FRMD3: variants seen among roughly 807,000 people sequenced by gnomAD.
FRMD3 encodes FERM domain containing 3.
A neutral mutation model predicts 70.2 loss-of-function variants in FRMD3; 33 were observed. The ratio of observed to expected loss-of-function variants is 0.47; its 90% CI spans 0.36 to 0.63. FRMD3 has a LOEUF of 0.63. FRMD3 is among the 20% of genes least tolerant of loss of function. FRMD3 has a pLI of 0.00. For synonymous variants in FRMD3, 279 were observed against 255.9 expected (o/e 1.09, Z -0.86); for missense variants, 632 against 711.4 (o/e 0.89, Z 1.27).
intron 10 of FRMD3, among the ~76,000 whole-genome samples, chr9:83,307,223 C>T (rs986307571): frequency 6.6e-6 from 1 of 152,124 alleles, no homozygotes; most frequent in Non-Finnish European, 1.5e-5. Flanking sequence ...CAAGAAAGAA[C>T]AGAAGAGTTC....
At chr9:83,256,013 C>A (rs13283621) in intron 13 of FRMD3, among the ~76,000 whole-genome samples, 47,427 of 151,830 alleles carry the variant, frequency 0.31, 8,371 homozygotes, top group Middle Eastern at 0.46. Context: ...CAGAATTAAA[C>A]AAAAATATTT....
chr9:83,441,347 C>T (rs189797297), intron 1 of FRMD3, among the ~76,000 whole-genome samples: 1 of 152,216 alleles, frequency 6.6e-6, no homozygotes, highest in East Asian at 1.9e-4. Flanking sequence ...AGGTTGATCC[C>T]AAGGCAATTC....
At chr9:83,267,395 T>C in intron 13 of FRMD3, 1 of 1,027,638 alleles carries the variant, frequency 9.7e-7, no homozygotes, top group Non-Finnish European at 1.3e-6. Flanking sequence ...TACTCTAGCC[T>C]TTCTAAACCT....
chr9:83,453,464 C>T (rs1029654498), intron 1 of FRMD3, among the ~76,000 whole-genome samples: 3 of 151,882 alleles, frequency 2.0e-5, no homozygotes, highest in Non-Finnish European at 4.4e-5. Flanking sequence ...AGTTTGGATA[C>T]GGGATATGTT....
chr9:83,537,049 G>A lies in FRMD3; in HGVS notation c.147+1036C>T, dbSNP rs1396834962. 2.0e-5 allele frequency among the ~76,000 whole-genome samples: 3 copies of A among 150,882 alleles called. No homozygotes were observed. Among genetic ancestry groups the A allele is most frequent in the Non-Finnish European group, 4.4e-5 (3 of 67,844 alleles). ...TAGATTTAGAAGTCAGAAGTTAATTGTGCTGAGCCCTGACACAACCTTTCC... is the reference window on the plus strand; with the variant it reads ...TAGATTTAGAAGTCAGAAGTTAATTATGCTGAGCCCTGACACAACCTTTCC... On this transcript the variant is annotated intron_variant, in intron 1 of 13. Coordinates refer to ENST00000304195, the MANE Select transcript of FRMD3 (RefSeq NM_174938.6). This position sits in a 1 kb window ranked among gnomAD's most constrained non-coding sequence, Gnocchi z 4.1.
chr9:83,508,853 T>G, intron 1 of FRMD3, among the ~76,000 whole-genome samples: 1 of 152,302 alleles, frequency 6.6e-6, no homozygotes, highest in Middle Eastern at 3.4e-3. Flanking sequence ...CCACATGACT[T>G]GTTGAGTAGC....
chr9:83,573,777 C>T, the FRMD3 span, among the ~76,000 whole-genome samples: 2 of 151,772 alleles, frequency 1.3e-5, no homozygotes, highest in East Asian at 1.9e-4. Context: ...CTCCCCCTGA[C>T]CCCCCACCTT....
intron 13 of FRMD3, among the ~76,000 whole-genome samples, chr9:83,256,807 C>T (rs1832729345): frequency 6.6e-6 from 1 of 152,038 alleles, no homozygotes; most frequent in Non-Finnish European, 1.5e-5. Flanking sequence ...ATCAAAACCA[C>T]AATGAGATAT....
intron 1 of FRMD3, among the ~76,000 whole-genome samples, chr9:83,536,984 G>C (rs1829909128): frequency 6.8e-6 from 1 of 146,600 alleles, no homozygotes; most frequent in Admixed American, 7.0e-5. Flanking sequence ...GACTCGACTA[G>C]GGTAGGTGAG....
At chr9:83,386,523 A>T (rs1173894709) in intron 2 of FRMD3, among the ~76,000 whole-genome samples, 1 of 152,220 alleles carries the variant, frequency 6.6e-6, no homozygotes, top group African/African-American at 2.4e-5. Flanking sequence ...TTAGTTTAAA[A>T]TTTTAATAAT....
At chr9:83,283,556 AATAATAAT>A (rs1212675774) in intron 13 of FRMD3, among the ~76,000 whole-genome samples, 2 of 89,516 alleles carry the variant, frequency 2.2e-5, no homozygotes, top group Non-Finnish European at 4.8e-5. Context: ...AAATAATAAT[AATAATAAT>A]AATAATAATA....
chr9:83,543,821 T>A, the FRMD3 span, among the ~76,000 whole-genome samples: 1 of 152,224 alleles, frequency 6.6e-6, no homozygotes, highest in East Asian at 1.9e-4. Context: ...ACATGGGCAC[T>A]GTGCTTGGCT....
At chr9:83,464,483 CCT>C (rs1828064208) in intron 1 of FRMD3, among the ~76,000 whole-genome samples, 1 of 152,170 alleles carries the variant, frequency 6.6e-6, no homozygotes, top group Non-Finnish European at 1.5e-5. Context: ...AACAGCAAAT[CCT>C]CTCACTCTCC....
At chr9:83,420,937 CT>C (rs897070718) in intron 1 of FRMD3, among the ~76,000 whole-genome samples, 12,270 of 107,478 alleles carry the variant, frequency 0.11, 280 homozygotes, top group African/African-American at 0.13. Flanking sequence ...TTTCTTTCTT[CT>C]TTTTTTTTTT....
At chr9:83,301,098 T>C (rs1286433887) in intron 10 of FRMD3, among the ~76,000 whole-genome samples, 1 of 152,084 alleles carries the variant, frequency 6.6e-6, no homozygotes, top group Non-Finnish European at 1.5e-5. Context: ...GAGAAAATGG[T>C]ACAGGACCCC....
chr9:83,358,560 A>G, intron 3 of FRMD3, among the ~76,000 whole-genome samples: 1 of 152,168 alleles, frequency 6.6e-6, no homozygotes, highest in South Asian at 2.1e-4. Context: ...CCATCCATCC[A>G]TGAGCATGGG....
intron 1 of FRMD3, among the ~76,000 whole-genome samples, chr9:83,533,907 G>A (rs1039574237): frequency 6.6e-6 from 1 of 152,140 alleles, no homozygotes; most frequent in South Asian, 2.1e-4. Context: ...TATGAATAAT[G>A]TCAAAAATCT....
intron 12 of FRMD3, among the ~76,000 whole-genome samples, chr9:83,293,016 G>A (rs1834506158): frequency 6.6e-6 from 1 of 152,214 alleles, no homozygotes; most frequent in African/African-American, 2.4e-5. Context: ...GATGGCCAGG[G>A]TCCCATGGGA....
chr9:83,311,918 G>T lies in FRMD3; in HGVS notation c.742C>A (p.Gln248Lys). 1 of 1,607,726 alleles carries T rather than the reference G, an allele frequency of 6.2e-7. No homozygotes were observed. Among genetic ancestry groups the T allele is most frequent in the African/African-American group, 1.4e-5 (1 of 73,870 alleles). The stretch of plus-strand genomic sequence containing the variant: ...ATCAAATGGATTCTCTTATTTCCCT[G>T]AAAGACCACAAAGCCTGCAGCTGTG... Reference protein sequence around the residue: ...GFTAAGFVVFQGNKRIHLIKW... With the variant: ...GFTAAGFVVFKGNKRIHLIKW... Residue 248 changes from glutamine (Q) to lysine (K), a missense_variant, in exon 8 of 14, where the codon CAG becomes AAG. Gln to Lys is a moderately conservative substitution (Grantham distance 53, BLOSUM62 1). This residue lies in a region of FRMD3 where 418 missense variants were observed against 442.1 expected (regional missense o/e 0.95). Transcript: ENST00000304195.
Sources: allele counts gnomAD v4.1 joint callset (sites outside exome capture counted in the v4.1 genomes callset), GRCh38; gene constraint gnomAD v4.1.1; regional missense constraint gnomAD v4.1.1; non-coding constraint Gnocchi (gnomAD v3.1); transcripts MANE v1.5; gene names NCBI Gene and HGNC (gene_info 2026-07-23, HGNC 2026-07-21).